The following CD44 variants were observed in gnomAD, a reference collection of about 807,000 sequenced individuals.
CD44 encodes the protein CD44 molecule (IN blood group).
CD44 carries 49 observed loss-of-function variants against 88.8 expected under a neutral mutation model. The observed-to-expected ratio is 0.55, with a 90% CI of 0.44 to 0.70. CD44 has a LOEUF of 0.70. Among genes scored for constraint, CD44 ranks in the 30% least tolerant of loss-of-function variants. The pLI is 0.00. For synonymous variants in CD44, 325 were observed against 312.3 expected (o/e 1.04, Z -0.43); for missense variants, 883 against 913.8 (o/e 0.97, Z 0.43).
chr11:35,147,941 A>T (rs1212988630), intron 1 of CD44, among the ~76,000 whole-genome samples: 2 of 152,252 alleles, frequency 1.3e-5, no homozygotes, highest in African/African-American at 4.8e-5. Flanking sequence ...ATACAAAAAA[A>T]TTAGCCGGGC....
Position 35,206,252 on chromosome 11 carries a change from C to T in CD44, c.1414+9C>T, listed in dbSNP as rs773908479. 10 of 1,586,758 alleles carry T rather than the reference C, an allele frequency of 6.3e-6. No individual in the cohort carries two copies. In the South Asian group the frequency reaches 1.0e-4, roughly 17 times the overall value. Reference sequence around the variant, plus strand: ...AGCAGGAAGAAGGATGGGTAATAGCCTCTGAGATTTTTATATATTATGTTT... The same window carrying T: ...AGCAGGAAGAAGGATGGGTAATAGCTTCTGAGATTTTTATATATTATGTTT... On this transcript the variant is annotated intron_variant, in intron 11 of 17. Transcript: ENST00000428726.
chr11:35,193,164 T>C (rs1169933583), intron 5 of CD44, among the ~76,000 whole-genome samples: 1 of 152,176 alleles, frequency 6.6e-6, no homozygotes, highest in Non-Finnish European at 1.5e-5. Context: ...GGGTGTCCAG[T>C]CTTTTGGCTT....
chr11:35,223,731 A>G (rs1368344356), intron 17 of CD44, among the ~76,000 whole-genome samples: 2 of 152,234 alleles, frequency 1.3e-5, no homozygotes, highest in African/African-American at 4.8e-5. Context: ...CACGCAGCTA[A>G]AAGGTGGTGA....
Position 35,229,710 on chromosome 11 carries a change from C to T in CD44, c.*377C>T, listed in dbSNP as rs1284015154. ...TTTCCCAGGGTTAATAGGGCCTGGT[C>T]CCTGGGAGGAAATTTGAATGGGTCC... On this transcript the variant is annotated 3_prime_UTR_variant, in exon 18 of 18. Coordinates refer to ENST00000428726, the MANE Select transcript of CD44 (RefSeq NM_000610.4). The T allele has an allele frequency of 5.0e-6, 1 of 201,540 alleles. No individual in the cohort carries two copies. The highest frequency in any genetic ancestry group is 1.2e-4 in the East Asian group (1 of 8,254). 12.5% of individuals were successfully genotyped at this position (201,540 alleles called of 1,614,324 possible). A position where few individuals can be genotyped will look rare whatever the true frequency, so the allele number is the denominator to read the frequency against.
intron 2 of CD44, among the ~76,000 whole-genome samples, chr11:35,178,244 A>G (rs1360462748): frequency 6.6e-6 from 1 of 152,250 alleles, no homozygotes; most frequent in Non-Finnish European, 1.5e-5. Flanking sequence ...TACTTGCAAA[A>G]TATAGATATG....
chr11:35,215,703 C>G (rs1275925630), intron 15 of CD44, among the ~76,000 whole-genome samples: 1 of 151,764 alleles, frequency 6.6e-6, no homozygotes, highest in Non-Finnish European at 1.5e-5. Flanking sequence ...CCAACCCTGT[C>G]TCTACTAAAA....
chr11:35,201,245 A>G (rs774211572), intron 8 of CD44, 50 bp downstream of exon 8: 4 of 1,262,414 alleles, frequency 3.2e-6, no homozygotes, highest in Admixed American at 3.4e-5. Flanking sequence ...CTCAAAGCCC[A>G]TGATGCTGCA....
rs1026094777 is a variant in CD44 at position 35,159,373 on chromosome 11, G to A, written c.68-17202G>A. Among the ~76,000 whole-genome samples the A allele has an allele frequency of 6.6e-5, 10 of 152,222 alleles. No individual in the cohort carries two copies. In the East Asian group the frequency reaches 7.7e-4, roughly 12 times the overall value. On this transcript the variant is annotated intron_variant, in intron 1 of 17. Transcript: ENST00000428726. ...TAATAGGAGTATTTACATGTGTGTC[G>A]GTTTCTCATCTGCTTTTAATTTCAT... is the stretch of plus-strand genomic sequence containing the variant.
intron 17 of CD44, 112 bp downstream of exon 17, chr11:35,221,844 G>C: frequency 2.0e-6 from 2 of 978,814 alleles, no homozygotes; most frequent in South Asian, 1.3e-5. Context: ...TGGGTACCCT[G>C]GGAGTTTGTT....
intron 2 of CD44, among the ~76,000 whole-genome samples, chr11:35,178,315 T>G (rs893914831): frequency 1.3e-5 from 2 of 152,232 alleles, no homozygotes; most frequent in African/African-American, 4.8e-5. Flanking sequence ...CATCAAGCAC[T>G]TAGATGCTGG....
intron 2 of CD44, 118 bp downstream of exon 2, chr11:35,176,858 C>T: frequency 2.1e-6 from 2 of 960,612 alleles, no homozygotes; most frequent in East Asian, 2.6e-5. Flanking sequence ...AGGAGTCAAC[C>T]CCACGTATTA....
chr11:35,178,362 A>G (rs1944668244), intron 2 of CD44, among the ~76,000 whole-genome samples: 1 of 152,200 alleles, frequency 6.6e-6, no homozygotes, highest in African/African-American at 2.4e-5. Flanking sequence ...CCCTCACTTA[A>G]TCCTCAAACT....
rs576812636 is a variant in CD44, at chr11:35,222,365, G to A, written c.2024+633G>A. On this transcript the variant is annotated intron_variant, in intron 17 of 17. Transcript: ENST00000428726. ...TAATGATATCATTTTCTATTTTCTG[G>A]GAACTGTAGTTGAAGAGATTCAGGT... The A allele has an allele frequency of 1.1e-4, 137 of 1,253,410 alleles. No homozygotes were observed. In the African/African-American group the frequency reaches 2.0e-3, roughly 18 times the overall value. The allele number at this position is 1,253,410 out of a possible 1,614,324, so 77.6% of individuals were successfully genotyped here. A position where few individuals can be genotyped will look rare whatever the true frequency, so the allele number is the denominator to read the frequency against.
At chr11:35,147,659 G>C (rs920177734) in intron 1 of CD44, among the ~76,000 whole-genome samples, 2 of 151,306 alleles carry the variant, frequency 1.3e-5, no homozygotes, top group African/African-American at 2.4e-5. Flanking sequence ...ACACTTAACA[G>C]GTCTGCAGTG....
At chr11:35,147,723 C>T (rs1460130330) in intron 1 of CD44, among the ~76,000 whole-genome samples, 1 of 152,120 alleles carries the variant, frequency 6.6e-6, no homozygotes. Context: ...TCTTTTTCCA[C>T]TTCCTTTCCA....
chr11:35,172,425 A>G (rs1012587959), intron 1 of CD44, among the ~76,000 whole-genome samples: 4 of 152,194 alleles, frequency 2.6e-5, no homozygotes, highest in African/African-American at 9.7e-5. Flanking sequence ...TTTCAGTCAG[A>G]TTTGTGTAAG....
chr11:35,202,897 A>G (rs1388949272), intron 9 of CD44, among the ~76,000 whole-genome samples: 1 of 152,236 alleles, frequency 6.6e-6, no homozygotes, highest in Non-Finnish European at 1.5e-5. Context: ...CCACTCCCTT[A>G]GAGCCCTAAC....
chr11:35,189,959 C>T lies in CD44; in HGVS notation c.561C>T (p.Ser187=), dbSNP rs764579273. Residue 187 remains serine (S), a synonymous_variant, in exon 5 of 18, where the codon AGC becomes AGT. Transcript: ENST00000428726. The part of the protein sequence containing the change: ...DVSSGSSSER[S]STSGGYIFYT... Reference sequence around the variant, plus strand: ...GCAGCGGCTCCTCCAGTGAAAGGAGCAGCACTTCAGGAGGTTACATCTTTT... The same window carrying T: ...GCAGCGGCTCCTCCAGTGAAAGGAGTAGCACTTCAGGAGGTTACATCTTTT... 2 of 1,613,942 alleles carry T rather than the reference C, an allele frequency of 1.2e-6. No homozygotes were observed. Among genetic ancestry groups the T allele is most frequent in the African/African-American group, 2.7e-5 (2 of 74,914 alleles).
At chr11:35,180,658 A>G (rs1944899139) in intron 3 of CD44, among the ~76,000 whole-genome samples, 1 of 152,180 alleles carries the variant, frequency 6.6e-6, no homozygotes, top group Non-Finnish European at 1.5e-5. Context: ...TCACATTGGG[A>G]GAAGAATTGT....
Sources: gnomAD v4.1 joint callset for allele counts (sites outside exome capture counted in the v4.1 genomes callset) on GRCh38, gnomAD v4.1.1 for gene constraint, MANE v1.5 for transcripts, NCBI Gene and HGNC (gene_info 2026-07-23, HGNC 2026-07-21) for gene names.